The following IQCM variants were observed in gnomAD, a reference collection of about 807,000 sequenced individuals.
IQCM encodes the protein IQ domain-containing protein M.
In IQCM, 45 loss-of-function variants were observed where a neutral mutation model predicts 57.6. That is an observed-to-expected ratio of 0.78 (90% CI 0.62 to 1.00). The LOEUF is 1.00. Among genes scored for constraint, IQCM ranks in the 50% least tolerant of loss-of-function variants. IQCM has a pLI of 0.00. For missense variants in IQCM, 468 were observed against 511.6 expected (o/e 0.91, Z 0.82); for synonymous variants, 148 against 158.9 (o/e 0.93, Z 0.51).
At chr4:149,628,370 AAAGGG>A (rs1233035368) in intron 7 of IQCM, among the ~76,000 whole-genome samples, 1 of 152,166 alleles carries the variant, frequency 6.6e-6, no homozygotes, top group Non-Finnish European at 1.5e-5. Context: ...AGCATTTTTA[AAAGGG>A]AAGAAATACA....
chr4:149,501,571 A>C (rs1291970751), intron 12 of IQCM, among the ~76,000 whole-genome samples: 2 of 152,340 alleles, frequency 1.3e-5, no homozygotes, highest in Admixed American at 6.5e-5. Context: ...AAATCTGCTC[A>C]ACCATGAGAG....
intron 7 of IQCM, among the ~76,000 whole-genome samples, chr4:149,635,678 G>A (rs977140397): frequency 2.0e-5 from 3 of 151,800 alleles, no homozygotes; most frequent in African/African-American, 7.3e-5. Flanking sequence ...TCTCATCTTA[G>A]CCTTATGTCC....
At chr4:149,426,876 A>G (rs1338628845) in intron 13 of IQCM, among the ~76,000 whole-genome samples, 1 of 151,942 alleles carries the variant, frequency 6.6e-6, no homozygotes, top group Non-Finnish European at 1.5e-5. Context: ...ACACACAAGC[A>G]TGAACCAGGA....
At chr4:149,719,589 A>T (rs1403854997) in intron 5 of IQCM, among the ~76,000 whole-genome samples, 1 of 152,182 alleles carries the variant, frequency 6.6e-6, no homozygotes, top group Non-Finnish European at 1.5e-5. Flanking sequence ...ATCTTCAGCA[A>T]TGCTTGATTC....
intron 12 of IQCM, among the ~76,000 whole-genome samples, chr4:149,509,174 T>A (rs1007652761): frequency 6.6e-6 from 1 of 152,196 alleles, no homozygotes. Flanking sequence ...TCAATATGTT[T>A]TGCAGAAGCC....
chr4:149,668,653 T>C (rs920672879), intron 7 of IQCM, among the ~76,000 whole-genome samples: 3 of 152,118 alleles, frequency 2.0e-5, no homozygotes, highest in African/African-American at 7.2e-5. Flanking sequence ...ACTTAAAGTA[T>C]AATAATTAAA....
chr4:149,773,494 C>CATCA (rs1395740712), intron 2 of IQCM, among the ~76,000 whole-genome samples: 11 of 152,170 alleles, frequency 7.2e-5, no homozygotes, highest in Non-Finnish European at 1.5e-4. Context: ...AGGAGCTAGG[C>CATCA]ATCAGATGGG....
intron 13 of IQCM, among the ~76,000 whole-genome samples, chr4:149,396,920 A>C (rs919559595): frequency 2.0e-5 from 3 of 152,010 alleles, no homozygotes; most frequent in African/African-American, 7.2e-5. Context: ...AATAATGTAT[A>C]TACATTACAT....
In IQCM at chr4:149,571,292, A is replaced by T. The variant is rs545535769; in HGVS notation, c.750-7402T>A. 9.2e-5 allele frequency among the ~76,000 whole-genome samples: 14 copies of T among 152,224 alleles called. No homozygotes were observed. In the South Asian group the frequency reaches 2.9e-3, roughly 32 times the overall value. On this transcript the variant is annotated intron_variant, in intron 9 of 13. Coordinates refer to ENST00000636793, the MANE Select transcript of IQCM (RefSeq NM_001363507.2). ...AAAAGAAGATGCAGTATATATACACAATGGAATACTATTCAGCCATAAAAG... is the reference window on the plus strand; with the variant it reads ...AAAAGAAGATGCAGTATATATACACTATGGAATACTATTCAGCCATAAAAG...
chr4:149,652,088 T>C (rs1389452094), intron 7 of IQCM, among the ~76,000 whole-genome samples: 2 of 152,078 alleles, frequency 1.3e-5, no homozygotes, highest in Admixed American at 1.3e-4. Flanking sequence ...AAAGAAAATG[T>C]GGTACATATA....
At chr4:149,395,718 C>T (rs1277658487) in intron 13 of IQCM, among the ~76,000 whole-genome samples, 2 of 151,924 alleles carry the variant, frequency 1.3e-5, no homozygotes, top group African/African-American at 4.8e-5. Flanking sequence ...GAGACAGGAA[C>T]ATATTTTGGG....
At chr4:149,492,893 G>T (rs1385602055) in intron 12 of IQCM, among the ~76,000 whole-genome samples, 3 of 152,078 alleles carry the variant, frequency 2.0e-5, no homozygotes, top group African/African-American at 7.2e-5. Flanking sequence ...AACTCAGAAT[G>T]GTCTCCAAAG....
intron 7 of IQCM, among the ~76,000 whole-genome samples, chr4:149,656,275 T>C (rs1004110685): frequency 2.0e-5 from 3 of 152,130 alleles, no homozygotes; most frequent in Non-Finnish European, 4.4e-5. Flanking sequence ...TGAATAGTTA[T>C]TGTAACAAAA....
chr4:149,643,069 C>T (rs1302022584), intron 7 of IQCM, among the ~76,000 whole-genome samples: 1 of 151,336 alleles, frequency 6.6e-6, no homozygotes, highest in Non-Finnish European at 1.5e-5. Flanking sequence ...CATTATTTAC[C>T]GCAGTTACAT....
At chr4:149,477,895 A>G (rs1189423194) in intron 12 of IQCM, among the ~76,000 whole-genome samples, 1 of 152,174 alleles carries the variant, frequency 6.6e-6, no homozygotes, top group African/African-American at 2.4e-5. Flanking sequence ...GGTCTTGTAC[A>G]GGAAGGACTT....
At chr4:149,554,204 C>T (rs1357027842) in intron 10 of IQCM, among the ~76,000 whole-genome samples, 1 of 152,122 alleles carries the variant, frequency 6.6e-6, no homozygotes, top group African/African-American at 2.4e-5. Context: ...TAAATGAAAA[C>T]AACTGAAGCA....
At chr4:149,375,371 G>A (rs1286222774) in intron 13 of IQCM, among the ~76,000 whole-genome samples, 1 of 152,110 alleles carries the variant, frequency 6.6e-6, no homozygotes, top group Non-Finnish European at 1.5e-5. Context: ...AGGAAGCAGA[G>A]AGATCAAGAA....
intron 11 of IQCM, among the ~76,000 whole-genome samples, chr4:149,549,241 C>T (rs931490637): frequency 9.2e-5 from 14 of 152,226 alleles, no homozygotes; most frequent in Admixed American, 7.2e-4. Flanking sequence ...GATGGCCGGG[C>T]GCGGTGGCTC....
At chr4:149,619,107 GATATAT>G (rs70965194) in intron 8 of IQCM, among the ~76,000 whole-genome samples, 12 of 126,772 alleles carry the variant, frequency 9.5e-5, no homozygotes, top group Admixed American at 3.1e-4. Context: ...ATGTGGGATG[GATATAT>G]ATATATATAT....
Sources: allele counts gnomAD v4.1 joint callset (sites outside exome capture counted in the v4.1 genomes callset), GRCh38; gene constraint gnomAD v4.1.1; transcripts MANE v1.5; gene names NCBI Gene and HGNC (gene_info 2026-07-23, HGNC 2026-07-21).